CDH13: variants seen among roughly 807,000 people sequenced by gnomAD.
The protein encoded by CDH13 is cadherin 13.
A neutral mutation model predicts 63.8 loss-of-function variants in CDH13; 24 were observed. The ratio of observed to expected loss-of-function variants is 0.38; its 90% CI spans 0.27 to 0.53. CDH13 has a LOEUF of 0.53. CDH13 is among the 20% of genes least tolerant of loss of function. CDH13 has a pLI of 0.85. For missense variants in CDH13, 1,049 were observed against 903.1 expected, an observed-to-expected ratio of 1.16 and a Z score of -2.07; for synonymous variants, 503 against 355.3, an observed-to-expected ratio of 1.42 and a Z score of -4.67.
intron 5 of CDH13, among the ~76,000 whole-genome samples, chr16:83,323,755 C>T (rs1329473536): frequency 6.6e-6 from 1 of 152,238 alleles, no homozygotes; most frequent in East Asian, 1.9e-4. Flanking sequence ...ATCACACTCT[C>T]CCTGCACCCC....
At chr16:82,864,152 A>AC (rs1488516702) in intron 2 of CDH13, among the ~76,000 whole-genome samples, 1 of 152,142 alleles carries the variant, frequency 6.6e-6, no homozygotes, top group African/African-American at 2.4e-5. Flanking sequence ...GGTTGATGTC[A>AC]CCCTTTTTGC....
intron 10 of CDH13, among the ~76,000 whole-genome samples, chr16:83,722,727 C>T (rs150017395): frequency 1.3e-5 from 2 of 152,326 alleles, no homozygotes; most frequent in Admixed American, 6.5e-5. Flanking sequence ...AGAGTCACCA[C>T]GTCTTATTCA....
Position 82,960,782 on chromosome 16 carries a change from A to G in CDH13, c.158-71228A>G, listed in dbSNP as rs116976286. Among the ~76,000 whole-genome samples, 5 of 152,168 alleles carry G rather than the reference A, an allele frequency of 3.3e-5. No homozygotes were observed. In the East Asian group the frequency reaches 9.7e-4, roughly 29 times the overall value. On this transcript the variant is annotated intron_variant, in intron 2 of 13. Coordinates refer to ENST00000567109, the MANE Select transcript of CDH13 (RefSeq NM_001257.5). Reference sequence around the variant, plus strand: ...ACGTCATAGAGAAGGTTTGTCTTTCATTTGTCTGTAGCAAGGTCGTAATTT... The same window carrying G: ...ACGTCATAGAGAAGGTTTGTCTTTCGTTTGTCTGTAGCAAGGTCGTAATTT...
intron 3 of CDH13, among the ~76,000 whole-genome samples, chr16:83,105,107 A>C (rs1166201190): frequency 1.3e-5 from 2 of 152,124 alleles, no homozygotes; most frequent in Non-Finnish European, 2.9e-5. Flanking sequence ...CCGTCAACCC[A>C]TCACCTAGAT....
At chr16:83,173,096 T>C (rs1276494612) in intron 4 of CDH13, among the ~76,000 whole-genome samples, 1 of 152,146 alleles carries the variant, frequency 6.6e-6, no homozygotes, top group Non-Finnish European at 1.5e-5. Flanking sequence ...AGTTACCCTG[T>C]GCCAGGCTTA....
Position 83,142,160 on chromosome 16 carries a change from G to GTT in CDH13, c.483+16677_483+16678dup, listed in dbSNP as rs11445521. Among the ~76,000 whole-genome samples, 855 of 120,338 alleles carry GTT rather than the reference G, an allele frequency of 7.1e-3. 17 individuals are homozygous for GTT. The highest frequency in any genetic ancestry group is 0.014 in the East Asian group (54 of 3,888). 78.9% of individuals were successfully genotyped at this position (120,338 alleles called of 152,430 possible). A position where few individuals can be genotyped will look rare whatever the true frequency, so the allele number is the denominator to read the frequency against. On this transcript the variant is annotated intron_variant, in intron 4 of 13. Coordinates refer to ENST00000567109, the MANE Select transcript of CDH13 (RefSeq NM_001257.5). Reference sequence around the variant, plus strand: ...GAACCATTTTTGTTTGTTTGTTTTTGTTTTTTTTTTTTTTTTTTTGAAATG... The same window carrying GTT: ...GAACCATTTTTGTTTGTTTGTTTTTGTTTTTTTTTTTTTTTTTTTTTGAAATG...
At chr16:82,832,626 C>T (rs2038594111) in intron 1 of CDH13, among the ~76,000 whole-genome samples, 3 of 151,264 alleles carry the variant, frequency 2.0e-5, no homozygotes, top group South Asian at 2.1e-4. Context: ...GAATCTTAAA[C>T]ATTCTTTTCA....
intron 7 of CDH13, among the ~76,000 whole-genome samples, chr16:83,513,169 T>G (rs536309785): frequency 3.3e-5 from 5 of 152,126 alleles, no homozygotes; most frequent in Non-Finnish European, 5.9e-5. Context: ...ACAAAATAAG[T>G]TGAGGTTGGA....
chr16:83,736,371 A>G (rs1597149512), intron 10 of CDH13, among the ~76,000 whole-genome samples: 1 of 152,108 alleles, frequency 6.6e-6, no homozygotes, highest in South Asian at 2.1e-4. Flanking sequence ...TAGTCTCTCA[A>G]TGTTTAATTA....
At chr16:82,909,463 A>C (rs140235768) in intron 2 of CDH13, among the ~76,000 whole-genome samples, 1 of 151,932 alleles carries the variant, frequency 6.6e-6, no homozygotes, top group African/African-American at 2.4e-5. Context: ...CGGACATTGT[A>C]TTAGTCTGTT....
At chr16:83,068,893 G>T (rs1430662315) in intron 3 of CDH13, among the ~76,000 whole-genome samples, 1 of 152,136 alleles carries the variant, frequency 6.6e-6, no homozygotes, top group African/African-American at 2.4e-5. Context: ...AGGAAGTATG[G>T]TCTTTTGCAT....
intron 5 of CDH13, among the ~76,000 whole-genome samples, chr16:83,343,009 A>T (rs1051119187): frequency 3.1e-4 from 47 of 152,022 alleles, no homozygotes; most frequent in African/African-American, 1.1e-3. Flanking sequence ...AAAAAACATA[A>T]AAGTATAAAA....
chr16:82,755,839 A>G (rs2034593735), intron 1 of CDH13, among the ~76,000 whole-genome samples: 1 of 152,184 alleles, frequency 6.6e-6, no homozygotes, highest in Admixed American at 6.5e-5. Context: ...GTGCCTTGTT[A>G]AATATTCATC....
intron 5 of CDH13, among the ~76,000 whole-genome samples, chr16:83,284,676 C>A (rs1419131076): frequency 1.3e-5 from 2 of 151,318 alleles, no homozygotes; most frequent in Non-Finnish European, 2.9e-5. Context: ...CATAACATAG[C>A]GTAATATAAT....
intron 1 of CDH13, among the ~76,000 whole-genome samples, chr16:82,754,394 C>A (rs1449790511): frequency 2.6e-5 from 4 of 152,098 alleles, no homozygotes; most frequent in Non-Finnish European, 1.5e-5. Flanking sequence ...GTCTCCATTT[C>A]ATTTTAGGGC....
intron 8 of CDH13, among the ~76,000 whole-genome samples, chr16:83,664,554 G>A (rs1007870842): frequency 2.0e-5 from 3 of 147,994 alleles, no homozygotes; most frequent in East Asian, 3.9e-4. Context: ...ATATATGTGT[G>A]TATATATATA....
intron 2 of CDH13, among the ~76,000 whole-genome samples, chr16:82,987,331 C>T (rs1911067638): frequency 6.6e-6 from 1 of 152,076 alleles, no homozygotes; most frequent in South Asian, 2.1e-4. Context: ...GCCTCATTGG[C>T]ATGAATCAGC....
At chr16:83,170,949 C>G (rs1018417224) in intron 4 of CDH13, among the ~76,000 whole-genome samples, 3 of 152,084 alleles carry the variant, frequency 2.0e-5, no homozygotes, top group Admixed American at 6.6e-5. Flanking sequence ...TCGCTATCCT[C>G]TTCTCCTCTA....
At chr16:83,213,703 A>C (rs536534098) in intron 4 of CDH13, among the ~76,000 whole-genome samples, 1 of 152,320 alleles carries the variant, frequency 6.6e-6, no homozygotes, top group Admixed American at 6.5e-5. Flanking sequence ...TAGGAGAACA[A>C]GAGGAAGGAG....
Sources: allele counts gnomAD v4.1 joint callset (sites outside exome capture counted in the v4.1 genomes callset), GRCh38; gene constraint gnomAD v4.1.1; transcripts MANE v1.5; gene names NCBI Gene and HGNC (gene_info 2026-07-23, HGNC 2026-07-21).